The following IL1RAPL1 variants were observed in gnomAD, a reference collection of about 807,000 sequenced individuals.
IL1RAPL1 encodes interleukin 1 receptor accessory protein like 1, also known as interleukin-1 receptor accessory protein-like 1.
Under a neutral mutation model 48.4 loss-of-function variants are expected in IL1RAPL1, and 3 were observed. The ratio of observed to expected loss-of-function variants is 0.06; its 90% CI spans 0.03 to 0.16. The LOEUF is 0.16. Ranked by LOEUF, IL1RAPL1 falls within the 10% of genes least tolerant of loss-of-function variation. IL1RAPL1 has a pLI of 1.00. For synonymous variants in IL1RAPL1, 185 were observed against 187.7 expected, an observed-to-expected ratio of 0.99 and a Z score of 0.12; for missense variants, 349 against 530.6, an observed-to-expected ratio of 0.66 and a Z score of 3.36.
At chrX:28,917,036 A>G (rs182283224) in intron 2 of IL1RAPL1, among the ~76,000 whole-genome samples, 43 of 111,507 alleles carry the variant, frequency 3.9e-4, no homozygotes, top group Admixed American at 3.5e-3. Context: ...TCCTACTAAG[A>G]AACTCCTTTT....
At chrX:28,881,980 G>T (rs757724688) in intron 2 of IL1RAPL1, among the ~76,000 whole-genome samples, 9 of 110,176 alleles carry the variant, frequency 8.2e-5, no homozygotes, top group Non-Finnish European at 1.5e-4. Flanking sequence ...AGAAAAAATG[G>T]CTAAAACATC....
At chrX:28,634,943 TC>T (rs2146895393) in intron 1 of IL1RAPL1, among the ~76,000 whole-genome samples, 1 of 106,589 alleles carries the variant, frequency 9.4e-6, no homozygotes, top group Non-Finnish European at 1.9e-5. Flanking sequence ...TTTCTGTATG[TC>T]TTGTTAGAAG....
chrX:29,258,201 G>A (rs1412469266), intron 2 of IL1RAPL1, among the ~76,000 whole-genome samples: 1 of 110,640 alleles, frequency 9.0e-6, no homozygotes, highest in Non-Finnish European at 1.9e-5. Context: ...TTTGTGCCAC[G>A]TTGTCGCTTT....
At chrX:28,686,359 G>C (rs1935110883) in intron 1 of IL1RAPL1, among the ~76,000 whole-genome samples, 1 of 111,755 alleles carries the variant, frequency 8.9e-6, no homozygotes, top group African/African-American at 3.2e-5. Context: ...CTTTCTTCTA[G>C]ACCCCCAAAA....
chrX:29,025,283 G>A (rs757180796), intron 2 of IL1RAPL1, among the ~76,000 whole-genome samples: 6 of 112,117 alleles, frequency 5.4e-5, no homozygotes, highest in East Asian at 2.8e-4. Context: ...AAGTGTGGAC[G>A]TATGTTATCA....
In IL1RAPL1 at chrX:29,887,659, A is replaced by ATT. The variant is rs59830503; in HGVS notation, c.779-29795_779-29794dup. 9.1e-3 allele frequency among the ~76,000 whole-genome samples: 968 copies of ATT among 106,290 alleles called. 10 individuals carry two copies. Among genetic ancestry groups the ATT allele is most frequent in the African/African-American group, 0.031 (903 of 29,410 alleles). The allele number at this position is 106,290 out of a possible 115,157, so 92.3% of individuals were successfully genotyped here. On this transcript the variant is annotated intron_variant, in intron 6 of 10. Coordinates refer to ENST00000378993, the MANE Select transcript of IL1RAPL1 (RefSeq NM_014271.4). Reference sequence around the variant, plus strand: ...GATACAATAGCAAAAGTTTATTTTCATTTTTTTTTTTGTAAATTGTTTTGA... The same window carrying ATT: ...GATACAATAGCAAAAGTTTATTTTCATTTTTTTTTTTTTGTAAATTGTTTTGA...
intron 5 of IL1RAPL1, among the ~76,000 whole-genome samples, chrX:29,504,105 C>T (rs1935303797): frequency 9.1e-6 from 1 of 110,126 alleles, no homozygotes; most frequent in South Asian, 3.9e-4. Flanking sequence ...GGATTACAGG[C>T]ACCCCGAGCC....
At chrX:29,101,305 A>G (rs1260020899) in intron 2 of IL1RAPL1, among the ~76,000 whole-genome samples, 1 of 112,362 alleles carries the variant, frequency 8.9e-6, no homozygotes, top group Non-Finnish European at 1.9e-5. Flanking sequence ...TAAGTCATGA[A>G]GAAATTCAAA....
At chrX:29,291,409 T>A (rs933475084) in intron 3 of IL1RAPL1, among the ~76,000 whole-genome samples, 1 of 110,325 alleles carries the variant, frequency 9.1e-6, no homozygotes, top group Non-Finnish European at 1.9e-5. Context: ...CTTTATTTTT[T>A]ATTTTTTTTA....
chrX:28,982,274 T>C (rs1925361278), intron 2 of IL1RAPL1, among the ~76,000 whole-genome samples: 1 of 112,216 alleles, frequency 8.9e-6, no homozygotes, highest in Non-Finnish European at 1.9e-5. Context: ...CATTAGGTCA[T>C]CTGGGCAGCT....
chrX:29,236,859 G>T (rs1288710141), intron 2 of IL1RAPL1, among the ~76,000 whole-genome samples: 1 of 108,794 alleles, frequency 9.2e-6, no homozygotes, highest in Non-Finnish European at 1.9e-5. Context: ...ATGAGCCACC[G>T]CACCTGGCCC....
chrX:28,749,976 G>A (rs1298104093), intron 1 of IL1RAPL1, among the ~76,000 whole-genome samples: 1 of 103,871 alleles, frequency 9.6e-6, no homozygotes, highest in African/African-American at 3.5e-5. Flanking sequence ...TTTTTGAGAT[G>A]GAGTCTTACT....
At chrX:29,035,099 T>C (rs1291990030) in intron 2 of IL1RAPL1, among the ~76,000 whole-genome samples, 1 of 111,462 alleles carries the variant, frequency 9.0e-6, no homozygotes, top group Non-Finnish European at 1.9e-5. Context: ...CTGGGACTGC[T>C]AATTTTTTGT....
At chrX:29,650,603 C>G (rs1925486317) in intron 5 of IL1RAPL1, among the ~76,000 whole-genome samples, 1 of 110,214 alleles carries the variant, frequency 9.1e-6, no homozygotes, top group African/African-American at 3.3e-5. Flanking sequence ...ACTATTATAT[C>G]TCACTCTATA....
At chrX:28,703,374 G>A (rs1041600929) in intron 1 of IL1RAPL1, among the ~76,000 whole-genome samples, 2 of 111,709 alleles carry the variant, frequency 1.8e-5, no homozygotes, top group Non-Finnish European at 3.8e-5. Context: ...GATTATTGAT[G>A]ATGATGATGA....
chrX:28,663,040 G>A (rs1421536798), intron 1 of IL1RAPL1, among the ~76,000 whole-genome samples: 1 of 110,880 alleles, frequency 9.0e-6, no homozygotes, highest in Non-Finnish European at 1.9e-5. Flanking sequence ...AGAATGAAAG[G>A]GAAGAAAAGA....
intron 6 of IL1RAPL1, among the ~76,000 whole-genome samples, chrX:29,685,075 A>G (rs935882168): frequency 2.7e-5 from 3 of 112,823 alleles, no homozygotes; most frequent in African/African-American, 6.4e-5. Flanking sequence ...CTATGTAGAC[A>G]TTAGTAAATA....
chrX:28,709,818 C>A (rs1011159949), intron 1 of IL1RAPL1, among the ~76,000 whole-genome samples: 1 of 111,248 alleles, frequency 9.0e-6, no homozygotes, highest in South Asian at 3.8e-4. Context: ...AATTTTGCAA[C>A]ACCTTAAAAT....
intron 6 of IL1RAPL1, among the ~76,000 whole-genome samples, chrX:29,700,432 A>G (rs1478651621): frequency 9.0e-6 from 1 of 111,668 alleles, no homozygotes; most frequent in Non-Finnish European, 1.9e-5. Context: ...GCAGATACGA[A>G]ATATGTTTTC....
Sources: gnomAD v4.1 joint callset for allele counts (sites outside exome capture counted in the v4.1 genomes callset) on GRCh38, gnomAD v4.1.1 for gene constraint, MANE v1.5 for transcripts, NCBI Gene and HGNC (gene_info 2026-07-23, HGNC 2026-07-21) for gene names.